Variants in JAZF1 observed in about 807,000 individuals in gnomAD.
The protein encoded by JAZF1 is juxtaposed with another zinc finger protein 1.
JAZF1 carries 8 observed loss-of-function variants against 26.4 expected under a neutral mutation model. The ratio of observed to expected loss-of-function variants is 0.30; its 90% CI spans 0.18 to 0.55. The LOEUF (loss-of-function observed/expected upper bound fraction) is 0.55. JAZF1 is among the 20% of genes least tolerant of loss of function. JAZF1 has a pLI of 0.94. For missense variants in JAZF1, 199 were observed against 322.0 expected, an observed-to-expected ratio of 0.62 and a Z score of 2.92; for synonymous variants, 126 against 122.3, an observed-to-expected ratio of 1.03 and a Z score of -0.20.
At chr7:27,910,959 T>C (rs1419410051) in intron 2 of JAZF1, among the ~76,000 whole-genome samples, 2 of 152,350 alleles carry the variant, frequency 1.3e-5, no homozygotes, top group African/African-American at 4.8e-5. Flanking sequence ...ATTTTCCTTC[T>C]GTTATTGTGC....
rs900426648 is a variant in JAZF1 at position 28,109,663 on chromosome 7, G to A, written c.115+70800C>T. ...AACTAAGGTTTGTACAAATTAACTA[G>A]TCCTAGATAATAGAGCTAGTGAATG... On this transcript the variant is annotated intron_variant, in intron 1 of 4. Transcript: ENST00000283928. 2.6e-5 allele frequency among the ~76,000 whole-genome samples: 4 copies of A among 152,274 alleles called. No individual in the cohort carries two copies. The East Asian group carries it at 5.8e-4, about 22-fold the overall frequency.
At chr7:28,063,021 C>T (rs911901563) in intron 1 of JAZF1, among the ~76,000 whole-genome samples, 13 of 152,114 alleles carry the variant, frequency 8.5e-5, no homozygotes, top group African/African-American at 3.1e-4. Flanking sequence ...TTGAATGATG[C>T]AAGAAAACAT....
chr7:28,152,443 T>A (rs1040904753), intron 1 of JAZF1, among the ~76,000 whole-genome samples: 1 of 152,210 alleles, frequency 6.6e-6, no homozygotes, highest in African/African-American at 2.4e-5. Flanking sequence ...ATCTCCCAGT[T>A]ACCCCACTGT....
intron 1 of JAZF1, among the ~76,000 whole-genome samples, chr7:28,110,383 G>A (rs1248395934): frequency 6.7e-6 from 1 of 150,154 alleles, no homozygotes; most frequent in Non-Finnish European, 1.5e-5. Context: ...CCGAGATCAC[G>A]CCATTGCACT....
rs1474664670 is a variant in JAZF1 at position 27,832,135 on chromosome 7, A to ATGAC, written c.*661_*664dup. ...ACAAAATGCCATTTATAACACTAAA[A>ATGAC]TGACTAGTAAGTCAGATGGCAAGAT... On this transcript the variant is annotated 3_prime_UTR_variant, in exon 5 of 5. Transcript: ENST00000283928. The ATGAC allele has an allele frequency of 4.7e-6, 1 of 213,360 alleles. No individual in the cohort carries two copies. The highest frequency in any genetic ancestry group is 9.5e-6 in the Non-Finnish European group (1 of 105,292). 13.2% of individuals were successfully genotyped at this position (213,360 alleles called of 1,614,324 possible).
intron 1 of JAZF1, among the ~76,000 whole-genome samples, chr7:27,999,522 T>C (rs1331109810): frequency 1.3e-5 from 2 of 152,174 alleles, no homozygotes; most frequent in Non-Finnish European, 2.9e-5. Context: ...AAAGGAAACC[T>C]TTCCCTCCTT....
intron 1 of JAZF1, among the ~76,000 whole-genome samples, chr7:28,172,026 G>A (rs957611133): frequency 6.6e-6 from 1 of 152,070 alleles, no homozygotes; most frequent in African/African-American, 2.4e-5. Flanking sequence ...TTTACAAGCC[G>A]CAATACCAAA....
chr7:27,949,563 G>A (rs1360293047), intron 2 of JAZF1, among the ~76,000 whole-genome samples: 1 of 152,206 alleles, frequency 6.6e-6, no homozygotes, highest in Non-Finnish European at 1.5e-5. Flanking sequence ...AGGAGTTTGA[G>A]ACCAGCCTGG....
chr7:28,089,109 C>T (rs961610951), intron 1 of JAZF1, among the ~76,000 whole-genome samples: 1 of 152,118 alleles, frequency 6.6e-6, no homozygotes, highest in African/African-American at 2.4e-5. Flanking sequence ...AAAACAGAAA[C>T]AGAAAGCAAA....
chr7:28,165,137 C>A (rs1178417677), intron 1 of JAZF1, among the ~76,000 whole-genome samples: 1 of 152,012 alleles, frequency 6.6e-6, no homozygotes, highest in Admixed American at 6.6e-5. Context: ...CCACTGCACT[C>A]CAGCCTGGGT....
At chr7:28,148,587 C>G (rs1783062509) in intron 1 of JAZF1, among the ~76,000 whole-genome samples, 1 of 152,200 alleles carries the variant, frequency 6.6e-6, no homozygotes, top group African/African-American at 2.4e-5. Context: ...CTGAGTATTT[C>G]TTGACTTGAC....
intron 1 of JAZF1, among the ~76,000 whole-genome samples, chr7:28,164,445 T>C (rs1206812614): frequency 6.6e-6 from 1 of 152,208 alleles, no homozygotes; most frequent in East Asian, 1.9e-4. Flanking sequence ...AGCACACTAC[T>C]TTCAATTACT....
intron 1 of JAZF1, among the ~76,000 whole-genome samples, chr7:28,156,568 G>A (rs1202952561): frequency 9.9e-5 from 15 of 152,154 alleles, no homozygotes; most frequent in Admixed American, 7.9e-4. Context: ...ATGAATTAAC[G>A]CTACATCTTC....
At chr7:27,846,476 C>T in intron 3 of JAZF1, 2 of 470,360 alleles carry the variant, frequency 4.3e-6, no homozygotes, top group Non-Finnish European at 8.8e-6. Flanking sequence ...TGGTTGTTTC[C>T]AATTCTTGTC....
chr7:28,125,221 T>C (rs538696462), intron 1 of JAZF1, among the ~76,000 whole-genome samples: 5 of 149,012 alleles, frequency 3.4e-5, no homozygotes, highest in Non-Finnish European at 5.9e-5. Context: ...CAATAAGCTA[T>C]AAAGGGAAAA....
intron 2 of JAZF1, among the ~76,000 whole-genome samples, chr7:27,940,590 G>C (rs1784831783): frequency 6.6e-6 from 1 of 152,184 alleles, no homozygotes; most frequent in Non-Finnish European, 1.5e-5. Flanking sequence ...CAAGTCTGAT[G>C]ACAGCACTGA....
chr7:27,891,367 C>T (rs1207961611), intron 3 of JAZF1, among the ~76,000 whole-genome samples: 2 of 152,072 alleles, frequency 1.3e-5, no homozygotes, highest in African/African-American at 4.8e-5. Flanking sequence ...CTGTGGCCTG[C>T]AAAGCATATT....
chr7:27,900,561 C>T (rs1165902668), intron 2 of JAZF1, among the ~76,000 whole-genome samples: 1 of 152,148 alleles, frequency 6.6e-6, no homozygotes, highest in Non-Finnish European at 1.5e-5. Flanking sequence ...TTTTCCTCCC[C>T]AAGTCAGTTC....
chr7:28,049,997 C>T (rs1181463212), intron 1 of JAZF1, among the ~76,000 whole-genome samples: 3 of 152,048 alleles, frequency 2.0e-5, no homozygotes, highest in Admixed American at 1.3e-4. Flanking sequence ...CTGGCAGGTG[C>T]GGCTGAAAGC....
Sources: allele counts gnomAD v4.1 joint callset (sites outside exome capture counted in the v4.1 genomes callset), GRCh38; gene constraint gnomAD v4.1.1; transcripts MANE v1.5; gene names NCBI Gene and HGNC (gene_info 2026-07-23, HGNC 2026-07-21).